GNPDA1: variants seen among roughly 807,000 people sequenced by gnomAD.
GNPDA1 encodes glucosamine-6-phosphate deaminase 1.
A neutral mutation model predicts 28.5 loss-of-function variants in GNPDA1; 24 were observed. The ratio of observed to expected loss-of-function variants is 0.84; its 90% CI spans 0.61 to 1.19. The LOEUF (loss-of-function observed/expected upper bound fraction) is 1.19, where lower values mean the gene tolerates loss of function less well. GNPDA1 is among the 50% of genes most tolerant of loss of function. GNPDA1 has a pLI of 0.00. For synonymous variants in GNPDA1, 147 were observed against 139.3 expected (o/e 1.06, Z -0.39); for missense variants, 264 against 367.3 (o/e 0.72, Z 2.30).
At chr5:142,006,892 T>G (rs189500) in intron 3 of GNPDA1, among the ~76,000 whole-genome samples, 12 of 152,220 alleles carry the variant, frequency 7.9e-5, no homozygotes, top group Admixed American at 2.6e-4. Context: ...AAATCAGCCT[T>G]AAAAAGGAAG....
At chr5:142,011,234 CAAA>C (rs35952167) in intron 2 of GNPDA1, among the ~76,000 whole-genome samples, 21 of 115,554 alleles carry the variant, frequency 1.8e-4, no homozygotes, top group Non-Finnish European at 2.9e-4. Context: ...CAAGGAAGAC[CAAA>C]AAAAAAAAAA....
intron 5 of GNPDA1, among the ~76,000 whole-genome samples, chr5:142,004,582 G>A (rs1178676742): frequency 6.6e-6 from 1 of 152,176 alleles, no homozygotes; most frequent in Non-Finnish European, 1.5e-5. Flanking sequence ...AAGGAACAAG[G>A]GAACCCCTCT....
chr5:142,012,217 C>T, intron 1 of GNPDA1, 176 bp from the exon 2 acceptor site: 1 of 525,656 alleles, frequency 1.9e-6, no homozygotes, highest in Non-Finnish European at 3.2e-6. Context: ...CAGTCGTCTC[C>T]ACCACCCACA....
Position 142,011,982 on chromosome 5 carries a change from T to G in GNPDA1, c.54A>C (p.Lys18Asn). 1 of 1,613,030 alleles carries G rather than the reference T, an allele frequency of 6.2e-7. No individual in the cohort carries two copies. The highest frequency in any genetic ancestry group is 8.5e-7 in the Non-Finnish European group (1 of 1,179,068). Residue 18 changes from lysine to asparagine, a missense_variant, in exon 2 of 7, where the codon AAA (lysine) becomes AAC (asparagine). Coordinates refer to ENST00000311337, the MANE Select transcript of GNPDA1 (RefSeq NM_005471.5). ...HYSQASEWAA[K>N]YIRNRIIQFN... ...ACTGGATGATGCGGTTCCTGATGTA[T>G]TTAGCCGCCCACTCGCTCGCCTGAG... is the stretch of plus-strand genomic sequence containing the variant.
intron 6 of GNPDA1, among the ~76,000 whole-genome samples, chr5:142,002,509 T>C (rs1033718856): frequency 6.6e-6 from 1 of 152,120 alleles, no homozygotes; most frequent in African/African-American, 2.4e-5. Context: ...TCCTAGCACT[T>C]TGGGAGGCCG....
chr5:142,006,434 G>A, intron 3 of GNPDA1, 108 bp from the exon 4 acceptor site: 2 of 784,814 alleles, frequency 2.5e-6, no homozygotes, highest in Non-Finnish European at 4.1e-6. Context: ...CCAGGGGTCT[G>A]CCCATCTGGG....
In GNPDA1 at chr5:142,006,127, CAG is replaced by C. The variant is rs746075628; in HGVS notation, c.409+15_409+16del. The C allele has an allele frequency of 7.5e-6, 12 of 1,602,554 alleles. No individual in the cohort carries two copies. Among genetic ancestry groups the C allele is most frequent in the Non-Finnish European group, 3.4e-6 (4 of 1,171,974 alleles). Reference sequence around the variant, plus strand: ...GGTCTGGCCCTGGACATGTGTGCTGCAGAGTGTCAAGCTCACCTCCAACAAAT... The same window carrying C: ...GGTCTGGCCCTGGACATGTGTGCTGCAGTGTCAAGCTCACCTCCAACAAAT... On this transcript the variant is annotated intron_variant, in intron 4 of 6. Transcript: ENST00000311337.
Position 142,012,020 on chromosome 5 carries a change from G to A in GNPDA1, c.16C>T (p.Leu6=), listed in dbSNP as rs753862572. The A allele has an allele frequency of 1.2e-6, 2 of 1,602,620 alleles. No individual in the cohort carries two copies. Among genetic ancestry groups the A allele is most frequent in the Non-Finnish European group, 1.7e-6 (2 of 1,170,520 alleles). ...TCGCTCGCCTGAGAATAGTGCTCCAGGATGATGAGCTTCATCTTGTCCTGC... is the reference window on the plus strand; with the variant it reads ...TCGCTCGCCTGAGAATAGTGCTCCAAGATGATGAGCTTCATCTTGTCCTGC... MKLII[L]EHYSQASEWA... Residue 6 remains leucine, a synonymous_variant, in exon 2 of 7, where the codon CTG becomes TTG. Transcript: ENST00000311337.
intron 4 of GNPDA1, 94 bp from the exon 5 acceptor site, chr5:142,005,210 A>C: frequency 5.3e-6 from 5 of 949,406 alleles, no homozygotes; most frequent in Middle Eastern, 6.2e-4. Context: ...GGTCTGAAGA[A>C]AAATCATTGA....
At chr5:142,006,699 C>G (rs774417196) in intron 3 of GNPDA1, among the ~76,000 whole-genome samples, 7 of 152,158 alleles carry the variant, frequency 4.6e-5, no homozygotes, top group Non-Finnish European at 1.0e-4. Flanking sequence ...AGCAAGCACA[C>G]CCCTCACCCT....
In GNPDA1 at chr5:142,003,178, A is replaced by T. The variant is rs777169711; in HGVS notation, c.679T>A (p.Ser227Thr). The T allele has an allele frequency of 1.9e-6, 3 of 1,614,106 alleles. No individual in the cohort carries two copies. The highest frequency in any genetic ancestry group is 2.5e-6 in the Non-Finnish European group (3 of 1,179,932). ...EEGVNHMWTV[S>T]AFQQHPRTVF... ...GTGCGGGGATGCTGCTGGAAGGCAG[A>T]CACGGTCCACATGTGGTTCACTCCC... is the stretch of plus-strand genomic sequence containing the variant. Residue 227 changes from serine to threonine, a missense_variant, in exon 6 of 7, where the codon TCT becomes ACT. Physicochemically the swap from Ser to Thr is moderately conservative, Grantham distance 58 (BLOSUM62 1). Coordinates refer to ENST00000311337, the MANE Select transcript of GNPDA1 (RefSeq NM_005471.5). This position sits in a 1 kb window ranked among gnomAD's most constrained non-coding sequence, Gnocchi z 4.0.
At position 142,011,952 on chromosome 5, in the gene GNPDA1, G is replaced by A; in HGVS notation, c.84C>T (p.Asn28=). 1 of 1,614,044 alleles carries A rather than the reference G, an allele frequency of 6.2e-7. No homozygotes were observed. Among genetic ancestry groups the A allele is most frequent in the Non-Finnish European group, 8.5e-7 (1 of 1,179,922 alleles). The change falls in exon 2 of 7, where the codon AAC becomes AAT. Residue 28 remains asparagine (N), a synonymous_variant. Coordinates refer to ENST00000311337, the MANE Select transcript of GNPDA1 (RefSeq NM_005471.5). ...KYIRNRIIQF[N]PGPEKYFTLG... ...GGGTGAAGTACTTCTCTGGCCCTGG[G>A]TTAAACTGGATGATGCGGTTCCTGA... is the stretch of plus-strand genomic sequence containing the variant.
In GNPDA1 at chr5:142,003,356, T is replaced by C; in HGVS notation, c.595-94A>G. On this transcript the variant is annotated intron_variant, in intron 5 of 6. Coordinates refer to ENST00000311337, the MANE Select transcript of GNPDA1 (RefSeq NM_005471.5). The surrounding 1 kb of genome is among the most constrained non-coding windows in gnomAD (Gnocchi z 4.0). ...ATTGTTTTTCATATCACATTGTAAG[T>C]GGTTACCATGCAACATACTTTTGCT... 1 of 816,690 alleles carries C rather than the reference T, an allele frequency of 1.2e-6. No homozygotes were observed. The highest frequency in any genetic ancestry group is 2.0e-6 in the Non-Finnish European group (1 of 508,612). The allele number at this position is 816,690 out of a possible 1,614,324, so 50.6% of individuals were successfully genotyped here.
chr5:142,002,781 G>A (rs80344706), intron 6 of GNPDA1, among the ~76,000 whole-genome samples: 8,163 of 152,112 alleles, frequency 0.054, 403 homozygotes, highest in East Asian at 0.24. Context: ...ATAAAAGAAA[G>A]GAATCGCTTG....
chr5:142,002,094 A>T lies in GNPDA1; in HGVS notation c.805T>A (p.Leu269Met). 6.2e-7 allele frequency: 1 copy of T among 1,602,582 alleles called. No individual in the cohort carries two copies. Among genetic ancestry groups the T allele is most frequent in the Non-Finnish European group, 8.5e-7 (1 of 1,170,002 alleles). Reference protein sequence around the residue: ...MLVHNKLVDPLYSIKEKETEK... With the variant: ...MLVHNKLVDPMYSIKEKETEK... ...GTTTCTTTCTCTTTGATACTGTACA[A>T]GGGGTCCACCAACTTGTTATGAACA... Residue 269 changes from leucine to methionine, a missense_variant, in exon 7 of 7, where the codon TTG (leucine) becomes ATG (methionine). By Grantham distance (15) the Leu-to-Met change is conservative. Transcript: ENST00000311337.
intron 6 of GNPDA1, among the ~76,000 whole-genome samples, chr5:142,002,791 G>A (rs1755707905): frequency 6.6e-6 from 1 of 152,100 alleles, no homozygotes; most frequent in African/African-American, 2.4e-5. Context: ...GGAATCGCTT[G>A]TTTAAGATTT....
intron 2 of GNPDA1, among the ~76,000 whole-genome samples, chr5:142,008,518 G>A (rs1471383404): frequency 1.3e-5 from 2 of 152,242 alleles, no homozygotes; most frequent in Non-Finnish European, 2.9e-5. Context: ...CTTGAGGTCA[G>A]GAGTTCAAGA....
rs757148099 is a variant in GNPDA1, at chr5:142,003,255, A to G, written c.602T>C (p.Ile201Thr). 5.0e-6 allele frequency: 8 copies of G among 1,609,184 alleles called. No individual in the cohort carries two copies. The highest frequency in any genetic ancestry group is 5.9e-6 in the Non-Finnish European group (7 of 1,176,664). Residue 201 changes from isoleucine (I) to threonine (T), a missense_variant, in exon 6 of 7, where the codon ATC (isoleucine) becomes ACC (threonine). Ile to Thr is a moderately conservative substitution (Grantham distance 89). Coordinates refer to ENST00000311337, the MANE Select transcript of GNPDA1 (RefSeq NM_005471.5). This position sits in a 1 kb window ranked among gnomAD's most constrained non-coding sequence, Gnocchi z 4.0. ...GTVMDAREVMILITGAHKAFA... is the reference protein window; with the variant it reads ...GTVMDAREVMTLITGAHKAFA... ...TGCCTTGTGAGCACCTGTGATAAGGATCATCACCTGGGGATCAGAAAACAA... is the reference window on the plus strand; with the variant it reads ...TGCCTTGTGAGCACCTGTGATAAGGGTCATCACCTGGGGATCAGAAAACAA...
In GNPDA1 at chr5:142,003,296, G is replaced by A. The variant is rs1314518350; in HGVS notation, c.595-34C>T. On this transcript the variant is annotated intron_variant, in intron 5 of 6. Transcript: ENST00000311337. This position sits in a 1 kb window ranked among gnomAD's most constrained non-coding sequence, Gnocchi z 4.0. ...CAGAAAACAAGTCTGTGATGGAGGG[G>A]AGCATTCCAGACACCCTAAACAGTT... 1.4e-6 allele frequency: 2 copies of A among 1,430,790 alleles called. No homozygotes were observed. Among genetic ancestry groups the A allele is most frequent in the East Asian group, 2.3e-5 (1 of 43,808 alleles). 88.6% of individuals were successfully genotyped at this position (1,430,790 alleles called of 1,614,324 possible).
Sources: allele counts gnomAD v4.1 joint callset (sites outside exome capture counted in the v4.1 genomes callset), GRCh38; gene constraint gnomAD v4.1.1; non-coding constraint Gnocchi (gnomAD v3.1); transcripts MANE v1.5; gene names NCBI Gene and HGNC (gene_info 2026-07-23, HGNC 2026-07-21).